The following ZNF569 variants were observed in gnomAD, a reference collection of about 807,000 sequenced individuals.
ZNF569 encodes the protein DNA-binding protein.
In ZNF569, 38 loss-of-function variants were observed where a neutral mutation model predicts 56.3. The observed-to-expected ratio is 0.68, with a 90% CI of 0.52 to 0.88. The LOEUF is 0.88. ZNF569 is among the 40% of genes least tolerant of loss of function. The pLI is 0.00. For missense variants in ZNF569, 666 were observed against 809.2 expected, an observed-to-expected ratio of 0.82 and a Z score of 2.15; for synonymous variants, 241 against 262.9, an observed-to-expected ratio of 0.92 and a Z score of 0.81.
At chr19:37,421,376 C>G (rs1313014907) in intron 5 of ZNF569, among the ~76,000 whole-genome samples, 1 of 152,190 alleles carries the variant, frequency 6.6e-6, no homozygotes, top group African/African-American at 2.4e-5. Flanking sequence ...GCATCTACAT[C>G]GGAACGCTAT....
intron 3 of ZNF569, among the ~76,000 whole-genome samples, chr19:37,430,839 C>T (rs559029135): frequency 2.0e-5 from 3 of 152,312 alleles, no homozygotes; most frequent in South Asian, 2.1e-4. Flanking sequence ...CCCTATTCTC[C>T]GGCAGTGGCC....
intron 3 of ZNF569, 126 bp downstream of exon 3, chr19:37,444,781 C>T (rs1029997180): frequency 5.8e-6 from 4 of 690,802 alleles, no homozygotes; most frequent in Non-Finnish European, 9.3e-6. Context: ...AATCGTTCAA[C>T]TCTATTTCCC....
intron 5 of ZNF569, 198 bp downstream of exon 5, chr19:37,425,670 G>A: frequency 2.2e-6 from 1 of 456,376 alleles, no homozygotes; most frequent in East Asian, 3.6e-5. Context: ...TCACTATGTT[G>A]CCCAGGCTGG....
intron 3 of ZNF569, among the ~76,000 whole-genome samples, chr19:37,439,204 G>A (rs916608677): frequency 6.6e-6 from 1 of 152,170 alleles, no homozygotes; most frequent in Non-Finnish European, 1.5e-5. Context: ...CTGAGTAGCT[G>A]GGATTTGAGG....
chr19:37,452,195 C>T (rs562543068), intron 2 of ZNF569, among the ~76,000 whole-genome samples: 3 of 151,972 alleles, frequency 2.0e-5, no homozygotes, highest in South Asian at 4.1e-4. Context: ...AAAAACTCTT[C>T]ATTTTAAATT....
intron 2 of ZNF569, among the ~76,000 whole-genome samples, chr19:37,449,357 A>G (rs922234734): frequency 6.6e-6 from 1 of 152,234 alleles, no homozygotes; most frequent in East Asian, 1.9e-4. Flanking sequence ...CATTCAATAC[A>G]TGAATGTTGG....
intron 5 of ZNF569, among the ~76,000 whole-genome samples, chr19:37,418,837 C>G (rs73027379): frequency 0.11 from 17,179 of 152,108 alleles, 1,225 homozygotes; most frequent in Non-Finnish European, 0.16. Context: ...TACAGGGAAC[C>G]TAAACTGGCT....
chr19:37,468,172 G>T, upstream of ZNF569: 1 of 545,574 alleles, frequency 1.8e-6, no homozygotes, highest in South Asian at 2.4e-5. Context: ...CTGCAGCCTC[G>T]AACTCCCGGG....
rs367716862 is a variant in ZNF569 at position 37,414,200 on chromosome 19, T to G, written c.458A>C (p.His153Pro). The change falls in exon 6 of 6, where the codon CAT (histidine) becomes CCT (proline). Residue 153 changes from histidine to proline, a missense_variant. Physicochemically the swap from His to Pro is moderately conservative, Grantham distance 77 (BLOSUM62 -2). Coordinates refer to ENST00000316950, the MANE Select transcript of ZNF569 (RefSeq NM_152484.3). ...GKCLEHNFDC[H>P]NNVKCLMRKE... ...TCTCATAAGGCATTTCACATTATTA[T>G]GACAGTCAAAATTATGTTCTAAACA... The G allele has an allele frequency of 1.2e-6, 2 of 1,613,134 alleles. No homozygotes were observed. Among genetic ancestry groups the G allele is most frequent in the Non-Finnish European group, 1.7e-6 (2 of 1,179,704 alleles).
chr19:37,440,790 A>C (rs2041391345), intron 3 of ZNF569, among the ~76,000 whole-genome samples: 1 of 152,178 alleles, frequency 6.6e-6, no homozygotes, highest in Non-Finnish European at 1.5e-5. Flanking sequence ...AACTAATTTC[A>C]TTTTCTTAGG....
chr19:37,459,271 A>T (rs140090532), intron 2 of ZNF569, among the ~76,000 whole-genome samples: 383 of 146,362 alleles, frequency 2.6e-3, no homozygotes, highest in African/African-American at 9.5e-3. Flanking sequence ...ATTGAAACTG[A>T]AAAAACAACA....
At chr19:37,418,257 G>A (rs183960005) in intron 5 of ZNF569, among the ~76,000 whole-genome samples, 119 of 152,092 alleles carry the variant, frequency 7.8e-4, no homozygotes, top group African/African-American at 2.7e-3. Flanking sequence ...ACTGGATGAC[G>A]GAATTGGAAC....
At chr19:37,451,338 T>G (rs1231973235) in intron 2 of ZNF569, among the ~76,000 whole-genome samples, 1 of 149,592 alleles carries the variant, frequency 6.7e-6, no homozygotes, top group Non-Finnish European at 1.5e-5. Flanking sequence ...AGGCGGAGGT[T>G]GCAGTGAGCC....
chr19:37,457,115 C>T (rs962667359), intron 2 of ZNF569, among the ~76,000 whole-genome samples: 8 of 152,150 alleles, frequency 5.3e-5, no homozygotes, highest in South Asian at 4.1e-4. Context: ...AAAACATATA[C>T]ACAAACTTCA....
intron 5 of ZNF569, among the ~76,000 whole-genome samples, chr19:37,422,527 C>T (rs2041055350): frequency 6.6e-6 from 1 of 152,146 alleles, no homozygotes; most frequent in Non-Finnish European, 1.5e-5. Context: ...TGAGCACATG[C>T]TTTTGGAAAA....
rs761708799 is a variant in ZNF569, at chr19:37,426,269, T to C, written c.125A>G (p.Asn42Ser). 2 of 1,612,568 alleles carry C rather than the reference T, an allele frequency of 1.2e-6. No individual in the cohort carries two copies. Among genetic ancestry groups the C allele is most frequent in the Non-Finnish European group, 1.7e-6 (2 of 1,179,454 alleles). ...LYRNVMLENY[N>S]NLITVGYPFT... is the part of the protein sequence containing the mutation. ...ACTCTTACCTACTGTGATTAAGTTG[T>C]TATAGTTTTCTAGCATCACATTCCG... The change falls in exon 4 of 6, where the codon AAC becomes AGC. Residue 42 changes from asparagine (N) to serine (S), a missense_variant. Coordinates refer to ENST00000316950, the MANE Select transcript of ZNF569 (RefSeq NM_152484.3).
intron 2 of ZNF569, among the ~76,000 whole-genome samples, chr19:37,458,550 T>C (rs1423579351): frequency 6.6e-6 from 1 of 152,214 alleles, no homozygotes; most frequent in African/African-American, 2.4e-5. Flanking sequence ...TATCCGTCTA[T>C]GTAGATCTAT....
chr19:37,421,495 T>C (rs907130380), intron 5 of ZNF569, among the ~76,000 whole-genome samples: 10 of 152,206 alleles, frequency 6.6e-5, no homozygotes, highest in Non-Finnish European at 1.0e-4. Context: ...GTTATGGAGA[T>C]GGCTCTTTCC....
intron 2 of ZNF569, among the ~76,000 whole-genome samples, chr19:37,463,934 T>C (rs1375239886): frequency 1.3e-5 from 2 of 152,150 alleles, no homozygotes; most frequent in Non-Finnish European, 2.9e-5. Flanking sequence ...CTGTACAATA[T>C]GTGTTTTAAG....
Sources: gnomAD v4.1 joint callset for allele counts (sites outside exome capture counted in the v4.1 genomes callset) on GRCh38, gnomAD v4.1.1 for gene constraint, MANE v1.5 for transcripts, NCBI Gene and HGNC (gene_info 2026-07-23, HGNC 2026-07-21) for gene names.